TRDMT1: variants seen among roughly 807,000 people sequenced by gnomAD.
TRDMT1 encodes the protein tRNA aspartic acid methyltransferase 1.
Under a neutral mutation model 51.2 loss-of-function variants are expected in TRDMT1, and 49 were observed. That is an observed-to-expected ratio of 0.96 (90% CI 0.76 to 1.21). TRDMT1 has a LOEUF of 1.21. Among genes scored for constraint, TRDMT1 ranks in the 50% most tolerant of loss-of-function variants. The pLI, the probability that TRDMT1 is intolerant of heterozygous loss-of-function variation, is 0.00. For missense variants in TRDMT1, 534 were observed against 462.3 expected (o/e 1.16, Z -1.42); for synonymous variants, 187 against 164.6 (o/e 1.14, Z -1.04).
intron 7 of TRDMT1, among the ~76,000 whole-genome samples, chr10:17,158,907 T>A (rs560478941): frequency 6.6e-6 from 1 of 152,266 alleles, no homozygotes; most frequent in African/African-American, 2.4e-5. Flanking sequence ...TTTTAACTCA[T>A]TTGTTTTCTA....
chr10:17,139,686 G>C lies in TRDMT1; in HGVS notation c.*9354C>G, dbSNP rs1339017529. 2.0e-5 allele frequency among the ~76,000 whole-genome samples: 3 copies of C among 152,186 alleles called. No homozygotes were observed. Among genetic ancestry groups the C allele is most frequent in the African/African-American group, 2.4e-5 (1 of 41,450 alleles). On this transcript the variant is annotated 3_prime_UTR_variant, in exon 11 of 11. Transcript: ENST00000377799. ...GCATTACGGATGTGATTTACGGTTA[G>C]AGGAGTGATTTAACAAGGCTGATGC... is the stretch of plus-strand genomic sequence containing the variant.
In TRDMT1 at chr10:17,183,638, C is replaced by T. The variant is rs529317963; in HGVS notation, c.65-8978G>A. On this transcript the variant is annotated intron_variant, in intron 1 of 10. Coordinates refer to ENST00000377799, the MANE Select transcript of TRDMT1 (RefSeq NM_004412.7). ...TTCACCACATTGGCCAGGCTGGTCT[C>T]GAACTCCTGACCTCATGATCCACCT... 1.4e-3 allele frequency among the ~76,000 whole-genome samples: 206 copies of T among 152,206 alleles called. 1 individual carries two copies. Among genetic ancestry groups the T allele is most frequent in the African/African-American group, 4.7e-3 (194 of 41,528 alleles).
At chr10:17,190,585 A>C (rs1192655665) in intron 1 of TRDMT1, among the ~76,000 whole-genome samples, 1 of 152,222 alleles carries the variant, frequency 6.6e-6, no homozygotes, top group African/African-American at 2.4e-5. Flanking sequence ...AAAAAGAACA[A>C]AAATGTTTTA....
intron 1 of TRDMT1, among the ~76,000 whole-genome samples, chr10:17,186,077 AAATAAATAAATATG>A (rs1253881031): frequency 4.9e-4 from 75 of 151,792 alleles, no homozygotes; most frequent in African/African-American, 1.7e-3. Flanking sequence ...ATAAATAAAT[AAATAAATAAATATG>A]GTCAATGCAG....
At chr10:17,189,559 T>C (rs1294637622) in intron 1 of TRDMT1, among the ~76,000 whole-genome samples, 1 of 152,126 alleles carries the variant, frequency 6.6e-6, no homozygotes, top group East Asian at 1.9e-4. Flanking sequence ...ATAATATAGT[T>C]TTAACAATTA....
intron 9 of TRDMT1, 127 bp from the exon 10 acceptor site, chr10:17,153,763 G>A: frequency 1.0e-5 from 9 of 885,756 alleles, no homozygotes; most frequent in Non-Finnish European, 1.5e-5. Context: ...AAGTGCACAG[G>A]GCAAAATGGC....
intron 4 of TRDMT1, 142 bp from the exon 5 acceptor site, chr10:17,161,690 C>A (rs1840379349): frequency 2.0e-6 from 1 of 493,164 alleles, no homozygotes; most frequent in Non-Finnish European, 3.3e-6. Flanking sequence ...CTGGAGACAA[C>A]ATATATTTTA....
At chr10:17,197,218 T>C (rs1845573518) in intron 1 of TRDMT1, among the ~76,000 whole-genome samples, 1 of 152,224 alleles carries the variant, frequency 6.6e-6, no homozygotes, top group Non-Finnish European at 1.5e-5. Flanking sequence ...AAATAAACCT[T>C]CATCATTTGA....
intron 1 of TRDMT1, among the ~76,000 whole-genome samples, chr10:17,195,175 C>A (rs1845239831): frequency 6.6e-6 from 1 of 152,120 alleles, no homozygotes. Flanking sequence ...CTTGCATGTT[C>A]ATCACAGCAC....
Position 17,143,475 on chromosome 10 carries a change from C to G in TRDMT1, c.*5565G>C. The G allele has an allele frequency of 1.0e-6, 1 of 985,392 alleles. No homozygotes were observed. The highest frequency in any genetic ancestry group is 1.2e-6 in the Non-Finnish European group (1 of 829,926). The allele number at this position is 985,392 out of a possible 1,614,324, so 61.0% of individuals were successfully genotyped here. ...TACACAAGGAGTATCACATTCCATT[C>G]AGTGTTTTCAGTCATTTTTTTCACA... On this transcript the variant is annotated 3_prime_UTR_variant, in exon 11 of 11. Coordinates refer to ENST00000377799, the MANE Select transcript of TRDMT1 (RefSeq NM_004412.7).
intron 3 of TRDMT1, among the ~76,000 whole-genome samples, chr10:17,163,024 G>A (rs1463366735): frequency 2.6e-5 from 4 of 152,120 alleles, no homozygotes; most frequent in African/African-American, 9.7e-5. Flanking sequence ...GAATGGAGTA[G>A]CAACCCGAAG....
chr10:17,161,635 G>A, intron 4 of TRDMT1, 87 bp from the exon 5 acceptor site: 2 of 732,094 alleles, frequency 2.7e-6, no homozygotes, highest in East Asian at 3.7e-5. Flanking sequence ...GGAAATACGA[G>A]GTAAGTAATT....
At chr10:17,194,919 C>A in intron 1 of TRDMT1, among the ~76,000 whole-genome samples, 1 of 41,416 alleles carries the variant, frequency 2.4e-5, no homozygotes, top group Non-Finnish European at 4.8e-5. Context: ...TGCAACAAAG[C>A]AAGAATCCGA....
chr10:17,199,091 T>C (rs553906011), intron 1 of TRDMT1, among the ~76,000 whole-genome samples: 1 of 152,208 alleles, frequency 6.6e-6, no homozygotes, highest in South Asian at 2.1e-4. Context: ...GCTGCTGTTA[T>C]TAGTCTTTAT....
chr10:17,166,291 G>A (rs1358703022), intron 3 of TRDMT1, among the ~76,000 whole-genome samples: 3 of 147,392 alleles, frequency 2.0e-5, no homozygotes, highest in African/African-American at 7.5e-5. Context: ...AACACCGCAA[G>A]TTCTCACTCA....
intron 5 of TRDMT1, among the ~76,000 whole-genome samples, chr10:17,160,970 T>C (rs766890432): frequency 3.4e-5 from 5 of 148,420 alleles, no homozygotes; most frequent in Admixed American, 6.8e-5. Flanking sequence ...TGATGATCAA[T>C]CTGCATGGGA....
chr10:17,183,257 G>T (rs1271596673), intron 1 of TRDMT1, among the ~76,000 whole-genome samples: 1 of 152,138 alleles, frequency 6.6e-6, no homozygotes, highest in East Asian at 1.9e-4. Context: ...TTTATAAAGT[G>T]TATGTGTATG....
rs1312114537 is a variant in TRDMT1 at position 17,147,629 on chromosome 10, T to A, written c.*1411A>T. 1 of 153,694 alleles carries A rather than the reference T, an allele frequency of 6.5e-6. No individual in the cohort carries two copies. Among genetic ancestry groups the A allele is most frequent in the Non-Finnish European group, 1.4e-5 (1 of 69,406 alleles). 9.5% of individuals were successfully genotyped at this position (153,694 alleles called of 1,614,324 possible). ...CTCAAGGTTCATCCATGTCACCGCA[T>A]ATGTCAGAATTTCCTTCCTGCGGAA... is the stretch of plus-strand genomic sequence containing the variant. On this transcript the variant is annotated 3_prime_UTR_variant, in exon 11 of 11. Coordinates refer to ENST00000377799, the MANE Select transcript of TRDMT1 (RefSeq NM_004412.7).
Position 17,146,051 on chromosome 10 carries a change from C to G in TRDMT1, c.*2989G>C. On this transcript the variant is annotated 3_prime_UTR_variant, in exon 11 of 11. Transcript: ENST00000377799. ...TGAATTGCCTGCACTCATCTCTAAC[C>G]CCATCCAATTTTACATCCCACATGG... The G allele has an allele frequency of 1.0e-6, 1 of 985,414 alleles. No homozygotes were observed. Among genetic ancestry groups the G allele is most frequent in the Non-Finnish European group, 1.2e-6 (1 of 829,936 alleles). The allele number at this position is 985,414 out of a possible 1,614,324, so 61.0% of individuals were successfully genotyped here. A position where few individuals can be genotyped will look rare whatever the true frequency, so the allele number is the denominator to read the frequency against.
Sources: allele counts gnomAD v4.1 joint callset (sites outside exome capture counted in the v4.1 genomes callset), GRCh38; gene constraint gnomAD v4.1.1; transcripts MANE v1.5; gene names NCBI Gene and HGNC (gene_info 2026-07-23, HGNC 2026-07-21).